Variants in ZNF721 observed in about 807,000 individuals in gnomAD.
The protein encoded by ZNF721 is zinc finger protein 721.
ZNF721 carries 2 observed loss-of-function variants against 2.4 expected under a neutral mutation model. The observed-to-expected ratio is 0.82, with a 90% CI of 0.34 to 2.58. ZNF721 has a LOEUF of 2.58. ZNF721 is among the 30% of genes most tolerant of loss of function. The pLI, the probability that ZNF721 is intolerant of heterozygous loss-of-function variation, is 0.11. For synonymous variants in ZNF721, 398 were observed against 381.8 expected (o/e 1.04, Z -0.50); for missense variants, 1,187 against 1,085.5 (o/e 1.09, Z -1.31).
intron 1 of ZNF721, among the ~76,000 whole-genome samples, chr4:493,559 G>A (rs1268342162): frequency 6.6e-6 from 1 of 151,946 alleles, no homozygotes; most frequent in Admixed American, 6.6e-5. Context: ...CACACCTATA[G>A]TCCCAGCTAC....
intron 2 of ZNF721, among the ~76,000 whole-genome samples, chr4:446,690 T>TTTTTTTTTC (rs538102313): frequency 1.3e-5 from 2 of 150,328 alleles, no homozygotes; most frequent in African/African-American, 4.9e-5. Context: ...CGAATTTTCT[T>TTTTTTTTTC]TTTTTTTTCT....
At chr4:469,255 C>A (rs1179412810) in intron 2 of ZNF721, among the ~76,000 whole-genome samples, 1 of 151,590 alleles carries the variant, frequency 6.6e-6, no homozygotes, top group Admixed American at 6.6e-5. Context: ...ATATTTGTTT[C>A]ATTTCCATAA....
intron 1 of ZNF721, among the ~76,000 whole-genome samples, chr4:488,985 G>T (rs530097900): frequency 9.2e-5 from 14 of 152,314 alleles, no homozygotes; most frequent in African/African-American, 3.4e-4. Flanking sequence ...CTAGCGGGAA[G>T]AAATGTGATT....
intron 1 of ZNF721, among the ~76,000 whole-genome samples, chr4:494,141 C>T (rs1553871884): frequency 6.6e-6 from 1 of 150,950 alleles, no homozygotes; most frequent in African/African-American, 2.4e-5. Flanking sequence ...ATAGACAATA[C>T]ATAAACACAT....
chr4:443,383 T>C lies in ZNF721; in HGVS notation c.1084A>G (p.Lys362Glu), dbSNP rs782321238. ...AAGGCTTTGCCACAGTCTTCGCATT[T>C]GTAAGGTTTCTCTCCAGTATGAATT... Reference protein sequence around the residue: ...RRIHTGEKPYKCEDCGKAFGR... With the variant: ...RRIHTGEKPYECEDCGKAFGR... The change falls in exon 3 of 3, where the codon AAA becomes GAA. Residue 362 changes from lysine (K) to glutamate (E), a missense_variant. Physicochemically the swap from Lys to Glu is moderately conservative, Grantham distance 56. Coordinates refer to ENST00000511833, the MANE Select transcript of ZNF721 (RefSeq NM_133474.4). 5.6e-6 allele frequency: 9 copies of C among 1,614,182 alleles called. No homozygotes were observed. Among genetic ancestry groups the C allele is most frequent in the Non-Finnish European group, 7.6e-6 (9 of 1,180,026 alleles).
Position 484,078 on chromosome 4 carries a change from G to A in ZNF721, c.-93-11377C>T, listed in dbSNP as rs1715834946. On this transcript the variant is annotated intron_variant, in intron 1 of 2. Transcript: ENST00000511833. ...GGGACCAGCTGAAGCCATGGCAGAA[G>A]AACATGGATTGTGAAGATTTTATGG... Among the ~76,000 whole-genome samples the A allele has an allele frequency of 2.0e-5, 3 of 152,208 alleles. No homozygotes were observed. The South Asian group carries it at 6.2e-4, about 31-fold the overall frequency.
chr4:459,175 G>A (rs1230080979), intron 2 of ZNF721, among the ~76,000 whole-genome samples: 4 of 152,122 alleles, frequency 2.6e-5, no homozygotes, highest in East Asian at 3.9e-4. Context: ...AAGAAAAACC[G>A]GTACCACCCT....
At chr4:451,299 ATC>A (rs1714652688) in intron 2 of ZNF721, among the ~76,000 whole-genome samples, 6 of 152,170 alleles carry the variant, frequency 3.9e-5, no homozygotes, top group Admixed American at 3.9e-4. Context: ...TTTTGAAGAA[ATC>A]TCTATTTCAA....
At chr4:457,884 GTC>G (rs1560232079) in intron 2 of ZNF721, among the ~76,000 whole-genome samples, 1 of 152,142 alleles carries the variant, frequency 6.6e-6, no homozygotes, top group Non-Finnish European at 1.5e-5. Flanking sequence ...CCAAGCTCTG[GTC>G]TCTGTCACCT....
intron 2 of ZNF721, among the ~76,000 whole-genome samples, chr4:457,767 C>T (rs782618318): frequency 5.3e-5 from 8 of 152,078 alleles, no homozygotes; most frequent in Non-Finnish European, 1.2e-4. Flanking sequence ...AACCAAAGTC[C>T]GGAAGAATTT....
chr4:441,619 G>T lies in ZNF721; in HGVS notation c.*76C>A, dbSNP rs782025225. ...AAAGACCGCGACATTCGTCACCTTC[G>T]TAAGACATTCCCCTGGTATGAGTTC... On this transcript the variant is annotated 3_prime_UTR_variant, in exon 3 of 3. Coordinates refer to ENST00000511833, the MANE Select transcript of ZNF721 (RefSeq NM_133474.4). 4.7e-6 allele frequency: 6 copies of T among 1,264,020 alleles called. No individual in the cohort carries two copies. Among genetic ancestry groups the T allele is most frequent in the African/African-American group, 1.5e-5 (1 of 66,156 alleles). The allele number at this position is 1,264,020 out of a possible 1,614,324, so 78.3% of individuals were successfully genotyped here. A position where few individuals can be genotyped will look rare whatever the true frequency, so the allele number is the denominator to read the frequency against.
At position 444,452 on chromosome 4, in the gene ZNF721, C is replaced by A. The variant is rs1714404513; in HGVS notation, c.35-20G>T. The A allele has an allele frequency of 1.9e-6, 3 of 1,540,596 alleles. No individual in the cohort carries two copies. Among genetic ancestry groups the A allele is most frequent in the Non-Finnish European group, 1.7e-6 (2 of 1,147,080 alleles). On this transcript the variant is annotated intron_variant, in intron 2 of 2. Coordinates refer to ENST00000511833, the MANE Select transcript of ZNF721 (RefSeq NM_133474.4). Reference sequence around the variant, plus strand: ...ACATAGCTGAAAGAAACAAAAATAACAAATTATCCCAGTTACTAGATTCAT... The same window carrying A: ...ACATAGCTGAAAGAAACAAAAATAAAAAATTATCCCAGTTACTAGATTCAT...
intron 1 of ZNF721, among the ~76,000 whole-genome samples, chr4:491,149 T>C (rs1285056230): frequency 2.6e-5 from 4 of 152,136 alleles, no homozygotes; most frequent in South Asian, 4.1e-4. Flanking sequence ...ATTTTGGGGC[T>C]GGGCATGGTG....
intron 1 of ZNF721, among the ~76,000 whole-genome samples, chr4:477,245 G>C (rs116775862): frequency 6.9e-6 from 1 of 145,216 alleles, no homozygotes; most frequent in Admixed American, 7.2e-5. Flanking sequence ...ATGAGACACT[G>C]GTGAGTTCCT....
At chr4:493,189 A>AT (rs1491405097) in intron 1 of ZNF721, among the ~76,000 whole-genome samples, 30 of 152,036 alleles carry the variant, frequency 2.0e-4, no homozygotes, top group Non-Finnish European at 2.8e-4. Flanking sequence ...AAAAAAAAAA[A>AT]ATATGGCCTA....
chr4:478,770 A>ATTT (rs35238850), intron 1 of ZNF721, among the ~76,000 whole-genome samples: 12 of 142,590 alleles, frequency 8.4e-5, no homozygotes, highest in East Asian at 2.1e-4. Context: ...GAAAGGTCTG[A>ATTT]TTTTTTTTTT....
chr4:449,431 A>G (rs1193373794), intron 2 of ZNF721, among the ~76,000 whole-genome samples: 1 of 152,160 alleles, frequency 6.6e-6, no homozygotes, highest in Non-Finnish European at 1.5e-5. Context: ...CTCTTATGAT[A>G]TAAAAAAGTC....
rs138538332 is a variant in ZNF721 at position 444,517 on chromosome 4, G to A, written c.35-85C>T. 8.2e-4 allele frequency: 1,060 copies of A among 1,295,638 alleles called. 8 individuals carry two copies. In the African/African-American group the frequency reaches 0.014, roughly 17 times the overall value. 80.3% of individuals were successfully genotyped at this position (1,295,638 alleles called of 1,614,324 possible). On this transcript the variant is annotated intron_variant, in intron 2 of 2. Transcript: ENST00000511833. ...CAAATCATAAGATTATACAAAGTAC[G>A]CTAGTAAGATCACATAACAAAATAC... is the stretch of plus-strand genomic sequence containing the variant.
At chr4:454,899 T>G (rs1328382471) in intron 2 of ZNF721, among the ~76,000 whole-genome samples, 1 of 152,188 alleles carries the variant, frequency 6.6e-6, no homozygotes, top group African/African-American at 2.4e-5. Context: ...TCTTTTTGTG[T>G]TCCTTGAGCT....
Sources: gnomAD v4.1 joint callset for allele counts (sites outside exome capture counted in the v4.1 genomes callset) on GRCh38, gnomAD v4.1.1 for gene constraint, MANE v1.5 for transcripts, NCBI Gene and HGNC (gene_info 2026-07-23, HGNC 2026-07-21) for gene names.